Variants in STYX observed in about 807,000 individuals in gnomAD.
STYX encodes serine/threonine/tyrosine-interacting protein.
STYX carries 20 observed loss-of-function variants against 42.7 expected under a neutral mutation model. The observed-to-expected ratio is 0.47, with a 90% CI of 0.33 to 0.68. The LOEUF is 0.68. Among genes scored for constraint, STYX ranks in the 30% least tolerant of loss-of-function variants. The probability of loss-of-function intolerance (pLI) is 0.02; values close to 1 mark genes in which losing one functional copy is unlikely to be tolerated. For synonymous variants in STYX, 78 were observed against 81.9 expected (o/e 0.95, Z 0.26); for missense variants, 226 against 268.5 (o/e 0.84, Z 1.11).
At chr14:52,746,344 G>T in intron 2 of STYX, 82 bp from the exon 3 acceptor site, 1 of 987,980 alleles carries the variant, frequency 1.0e-6, no homozygotes. Flanking sequence ...TTTTGATTTG[G>T]CCAAATAAGG....
chr14:52,736,530 T>C (rs1880958327), intron 1 of STYX, among the ~76,000 whole-genome samples: 1 of 152,202 alleles, frequency 6.6e-6, no homozygotes, highest in African/African-American at 2.4e-5. Context: ...AAGTGAAATA[T>C]TTATTTCCAT....
At chr14:52,761,929 C>G (rs1337392453) in intron 9 of STYX, among the ~76,000 whole-genome samples, 1 of 151,370 alleles carries the variant, frequency 6.6e-6, no homozygotes, top group Admixed American at 6.6e-5. Context: ...CCTGTAATCC[C>G]AGCTACTTGG....
intron 4 of STYX, among the ~76,000 whole-genome samples, chr14:52,753,366 T>C (rs1266655821): frequency 6.6e-6 from 1 of 152,058 alleles, no homozygotes; most frequent in Non-Finnish European, 1.5e-5. Context: ...TTTGTATTTT[T>C]AGTACAGACG....
At chr14:52,748,520 A>G (rs1477843181) in intron 3 of STYX, among the ~76,000 whole-genome samples, 2 of 152,220 alleles carry the variant, frequency 1.3e-5, no homozygotes, top group East Asian at 1.9e-4. Context: ...TGTAATTAGT[A>G]AACGGTTTGT....
At chr14:52,755,825 G>T (rs1171565631) in intron 4 of STYX, among the ~76,000 whole-genome samples, 3 of 151,736 alleles carry the variant, frequency 2.0e-5, no homozygotes, top group Non-Finnish European at 4.4e-5. Context: ...GTCCTCTGTA[G>T]GTTCATGAGC....
At chr14:52,753,766 G>A (rs956743235) in intron 4 of STYX, among the ~76,000 whole-genome samples, 1 of 148,554 alleles carries the variant, frequency 6.7e-6, no homozygotes, top group African/African-American at 2.5e-5. Context: ...ATTGTTGTCG[G>A]TTGAATCCAC....
At chr14:52,758,016 C>G (rs757847373) in intron 8 of STYX, 92 bp downstream of exon 8, 10 of 1,380,894 alleles carry the variant, frequency 7.2e-6, no homozygotes, top group Admixed American at 4.1e-5. Context: ...GTTCTTATTC[C>G]CCTGATTATT....
intron 1 of STYX, among the ~76,000 whole-genome samples, chr14:52,735,051 C>T (rs1439450709): frequency 6.8e-6 from 1 of 147,618 alleles, no homozygotes; most frequent in African/African-American, 2.5e-5. Context: ...AGCGAGACTC[C>T]ATCTCAAAAA....
intron 9 of STYX, among the ~76,000 whole-genome samples, chr14:52,763,593 A>C (rs1882185076): frequency 6.6e-6 from 1 of 151,960 alleles, no homozygotes; most frequent in Non-Finnish European, 1.5e-5. Flanking sequence ...TTTTTTATCT[A>C]ATATGTGTTG....
chr14:52,765,987 G>A (rs932403814), intron 9 of STYX, among the ~76,000 whole-genome samples: 2 of 152,054 alleles, frequency 1.3e-5, no homozygotes, highest in African/African-American at 4.8e-5. Flanking sequence ...TTATCAAGGT[G>A]TATCCTGGTT....
At chr14:52,739,632 C>CTTTTTTTT (rs58454717) in intron 1 of STYX, among the ~76,000 whole-genome samples, 2,219 of 65,538 alleles carry the variant, frequency 0.034, 2 homozygotes, top group Non-Finnish European at 0.038. Context: ...TCCTTTCTTT[C>CTTTTTTTT]TTTTTTTTTT....
At position 52,736,288 on chromosome 14, in the gene STYX, T is replaced by G. The variant is rs1490962057; in HGVS notation, c.57+5757T>G. On this transcript the variant is annotated intron_variant, in intron 1 of 10. Coordinates refer to ENST00000354586, the MANE Select transcript of STYX (RefSeq NM_145251.4). ...TAACTCCTTTCCTCATCCTCTAGACTGGTTCAATTCCCCAGCTACTATGGC... is the reference window on the plus strand; with the variant it reads ...TAACTCCTTTCCTCATCCTCTAGACGGGTTCAATTCCCCAGCTACTATGGC... 2.0e-5 allele frequency among the ~76,000 whole-genome samples: 3 copies of G among 152,378 alleles called. No individual in the cohort carries two copies. In the East Asian group the frequency reaches 5.8e-4, roughly 29 times the overall value.
Position 52,768,932 on chromosome 14 carries a change from A to G in STYX, c.597A>G (p.Thr199=). Residue 199 remains threonine (T), a splice_region_variant and synonymous_variant, in exon 10 of 11, where the codon ACA becomes ACG. Coordinates refer to ENST00000354586, the MANE Select transcript of STYX (RefSeq NM_145251.4). ...ERSLSVHSGT[T]GSLKRTHEEE... is the part of the protein sequence containing the mutation. ...CATTATCTGTTCATTCTGGTACCAC[A>G]GGTAAGGATTTTTTTCTTTTTGGAG... 1 of 1,563,090 alleles carries G rather than the reference A, an allele frequency of 6.4e-7. No homozygotes were observed. The highest frequency in any genetic ancestry group is 8.6e-7 in the Non-Finnish European group (1 of 1,159,806).
intron 8 of STYX, among the ~76,000 whole-genome samples, chr14:52,759,351 T>G (rs1409555810): frequency 6.6e-6 from 1 of 152,138 alleles, no homozygotes; most frequent in Non-Finnish European, 1.5e-5. Flanking sequence ...AAGTCCTGGC[T>G]TCAAGCAGTC....
At chr14:52,763,900 G>A (rs1334927402) in intron 9 of STYX, among the ~76,000 whole-genome samples, 2 of 151,670 alleles carry the variant, frequency 1.3e-5, no homozygotes, top group Non-Finnish European at 2.9e-5. Flanking sequence ...CCCCTTTTTT[G>A]GTTCTGCAAG....
In STYX at chr14:52,774,882, T is replaced by C. The variant is rs537289466; in HGVS notation, c.*3776T>C. 6.6e-6 allele frequency: 1 copy of C among 152,338 alleles called. No individual in the cohort carries two copies. The highest frequency in any genetic ancestry group is 6.5e-5 in the Admixed American group (1 of 15,300). The allele number at this position is 152,338 out of a possible 1,614,324, so 9.4% of individuals were successfully genotyped here. On this transcript the variant is annotated 3_prime_UTR_variant, in exon 11 of 11. Coordinates refer to ENST00000354586, the MANE Select transcript of STYX (RefSeq NM_145251.4). ...CTTGGATAAAATGCTTATGTCTGTA[T>C]AGGAATGTCACAGTGCAAGATGCTG... is the stretch of plus-strand genomic sequence containing the variant.
chr14:52,730,615 C>G (rs932354698), intron 1 of STYX, 84 bp downstream of exon 1: 2 of 1,493,366 alleles, frequency 1.3e-6, no homozygotes, highest in African/African-American at 2.8e-5. Context: ...ACCGTCTTAG[C>G]CGCCACCTGT....
Position 52,730,180 on chromosome 14 carries a change from T to C in STYX, c.-295T>C. The C allele has an allele frequency of 2.2e-6, 1 of 463,874 alleles. No homozygotes were observed. Among genetic ancestry groups the C allele is most frequent in the Non-Finnish European group, 3.8e-6 (1 of 260,418 alleles). 28.7% of individuals were successfully genotyped at this position (463,874 alleles called of 1,614,324 possible). A position where few individuals can be genotyped will look rare whatever the true frequency, so the allele number is the denominator to read the frequency against. On this transcript the variant is annotated 5_prime_UTR_variant, in exon 1 of 11. Coordinates refer to ENST00000354586, the MANE Select transcript of STYX (RefSeq NM_145251.4). ...GGCGGGGAGACGGTTGTCGGGCTGG[T>C]TCCTGTGCTGGATCCTGGGCGGCCT...
At chr14:52,765,943 G>C (rs1022144751) in intron 9 of STYX, among the ~76,000 whole-genome samples, 9 of 152,156 alleles carry the variant, frequency 5.9e-5, no homozygotes, top group Non-Finnish European at 1.3e-4. Flanking sequence ...CAGTCCAGGG[G>C]TGGGGACCCT....
Sources: gnomAD v4.1 joint callset for allele counts (sites outside exome capture counted in the v4.1 genomes callset) on GRCh38, gnomAD v4.1.1 for gene constraint, MANE v1.5 for transcripts, NCBI Gene and HGNC (gene_info 2026-07-23, HGNC 2026-07-21) for gene names.